The following SUSD6 variants were observed in gnomAD, a reference collection of about 807,000 sequenced individuals.
SUSD6 encodes sushi domain containing 6.
SUSD6 carries 16 observed loss-of-function variants against 28.4 expected under a neutral mutation model. The ratio of observed to expected loss-of-function variants is 0.56; its 90% CI spans 0.38 to 0.86. SUSD6 has a LOEUF of 0.86. Among genes scored for constraint, SUSD6 ranks in the 40% least tolerant of loss-of-function variants. The pLI is 0.00. For synonymous variants in SUSD6, 147 were observed against 159.6 expected (o/e 0.92, Z 0.59); for missense variants, 341 against 384.2 (o/e 0.89, Z 0.94).
chr14:69,659,942 G>A (rs1043329178), intron 2 of SUSD6, among the ~76,000 whole-genome samples: 3 of 152,140 alleles, frequency 2.0e-5, no homozygotes, highest in Non-Finnish European at 4.4e-5. Context: ...GGGTGTGTAC[G>A]GTAGGCCTCT....
intron 2 of SUSD6, among the ~76,000 whole-genome samples, chr14:69,699,614 C>G (rs1363828525): frequency 6.6e-6 from 1 of 151,276 alleles, no homozygotes; most frequent in Non-Finnish European, 1.5e-5. Flanking sequence ...TTATGACATA[C>G]TTCAGCTTTT....
At chr14:69,698,881 T>A in intron 2 of SUSD6, among the ~76,000 whole-genome samples, 1 of 152,126 alleles carries the variant, frequency 6.6e-6, no homozygotes. Context: ...CCTGTAAAAT[T>A]GTCTGGCTTT....
intron 4 of SUSD6, among the ~76,000 whole-genome samples, chr14:69,707,770 T>TA (rs891129799): frequency 3.7e-4 from 56 of 151,642 alleles, no homozygotes; most frequent in African/African-American, 1.1e-3. Flanking sequence ...TTTTTTTAAT[T>TA]AAAAAAAAAT....
intron 2 of SUSD6, among the ~76,000 whole-genome samples, chr14:69,668,715 A>C (rs1190655312): frequency 6.6e-6 from 1 of 151,976 alleles, no homozygotes; most frequent in Non-Finnish European, 1.5e-5. Flanking sequence ...CCAGTGTTGA[A>C]GTTGGGGCTT....
intron 1 of SUSD6, among the ~76,000 whole-genome samples, chr14:69,612,049 G>A (rs1884883923): frequency 6.7e-6 from 1 of 149,966 alleles, no homozygotes; most frequent in Non-Finnish European, 1.5e-5. Flanking sequence ...GGCGCGGCCA[G>A]CCGGCCAGCA....
intron 2 of SUSD6, among the ~76,000 whole-genome samples, chr14:69,665,515 A>C (rs1332879722): frequency 2.6e-5 from 4 of 152,312 alleles, no homozygotes; most frequent in African/African-American, 9.6e-5. Context: ...GGCCTCCCAA[A>C]GTGCTGGGAT....
chr14:69,616,243 G>C (rs999351606), intron 1 of SUSD6, among the ~76,000 whole-genome samples: 1 of 152,188 alleles, frequency 6.6e-6, no homozygotes, highest in Non-Finnish European at 1.5e-5. Flanking sequence ...CACAAATAGA[G>C]ATCTTTCTCA....
chr14:69,611,970 C>G (rs1182844873), intron 1 of SUSD6, 142 bp downstream of exon 1: 1 of 149,860 alleles, frequency 6.7e-6, no homozygotes, highest in Non-Finnish European at 1.5e-5. Flanking sequence ...GGCGGCTCCC[C>G]GCGCTTCTCT....
chr14:69,670,435 G>C (rs1196070361), intron 2 of SUSD6: 2 of 456,676 alleles, frequency 4.4e-6, no homozygotes, highest in African/African-American at 4.0e-5. Context: ...CTCATTAGGG[G>C]GTCTCCTGAC....
In SUSD6 at chr14:69,708,783, G is replaced by A; in HGVS notation, c.565G>A (p.Val189Met). ...EAVYGSSGHC[V>M]PPADPRVQIV... ...TGTATATGGCAGTTCTGGTCACTGT[G>A]TGCCACCTGCTGACCCCAGAGTACA... The change falls in exon 5 of 6, where the codon GTG becomes ATG. Residue 189 changes from valine to methionine, a missense_variant. Val to Met is a conservative substitution (Grantham distance 21). Transcript: ENST00000342745. The A allele has an allele frequency of 6.2e-7, 1 of 1,614,210 alleles. No homozygotes were observed. The highest frequency in any genetic ancestry group is 8.5e-7 in the Non-Finnish European group (1 of 1,180,034).
At chr14:69,695,455 C>G (rs1891463435) in intron 2 of SUSD6, among the ~76,000 whole-genome samples, 1 of 152,208 alleles carries the variant, frequency 6.6e-6, no homozygotes, top group Admixed American at 6.5e-5. Context: ...CAACTTTAGA[C>G]AAATTTGCAA....
At chr14:69,650,531 C>G (rs537358716) in intron 1 of SUSD6, among the ~76,000 whole-genome samples, 1 of 152,164 alleles carries the variant, frequency 6.6e-6, no homozygotes, top group Non-Finnish European at 1.5e-5. Context: ...AGTGCTTGTC[C>G]AAGGTTGGCC....
intron 2 of SUSD6, 47 bp from the exon 3 acceptor site, chr14:69,703,345 CCTA>C (rs1300000342): frequency 6.9e-7 from 1 of 1,442,660 alleles, no homozygotes; most frequent in Non-Finnish European, 9.7e-7. Flanking sequence ...AGAGCAGACT[CCTA>C]CTGGATACCT....
At chr14:69,704,555 TTTG>T in intron 3 of SUSD6, 46 bp from the exon 4 acceptor site, 1 of 1,571,918 alleles carries the variant, frequency 6.4e-7, no homozygotes, top group Non-Finnish European at 8.6e-7. Flanking sequence ...CATCAGCTGT[TTTG>T]TGTATTTGGG....
At chr14:69,674,899 C>A (rs554817178) in intron 2 of SUSD6, among the ~76,000 whole-genome samples, 1 of 152,282 alleles carries the variant, frequency 6.6e-6, no homozygotes, top group East Asian at 1.9e-4. Context: ...CCTGAAGTCT[C>A]TGTTGAAACA....
intron 2 of SUSD6, among the ~76,000 whole-genome samples, chr14:69,673,882 C>T (rs940730642): frequency 6.6e-6 from 1 of 152,182 alleles, no homozygotes; most frequent in Non-Finnish European, 1.5e-5. Context: ...TGTGGACTAG[C>T]TCTCTGGTGC....
intron 2 of SUSD6, among the ~76,000 whole-genome samples, chr14:69,665,203 A>C (rs1229203534): frequency 6.6e-6 from 1 of 152,180 alleles, no homozygotes; most frequent in Admixed American, 6.5e-5. Flanking sequence ...CTAATTTAAC[A>C]CATGAAAATC....
At chr14:69,676,474 G>A (rs1595051890) in intron 2 of SUSD6, among the ~76,000 whole-genome samples, 1 of 151,918 alleles carries the variant, frequency 6.6e-6, no homozygotes, top group East Asian at 1.9e-4. Context: ...CCACCTCCTG[G>A]GCTAAAGCAG....
intron 1 of SUSD6, among the ~76,000 whole-genome samples, chr14:69,641,871 C>T (rs950591973): frequency 1.8e-4 from 28 of 152,072 alleles, no homozygotes; most frequent in Non-Finnish European, 3.7e-4. Flanking sequence ...TCCCAAAGTG[C>T]TGGGGTTACA....
Sources: gnomAD v4.1 joint callset for allele counts (sites outside exome capture counted in the v4.1 genomes callset) on GRCh38, gnomAD v4.1.1 for gene constraint, MANE v1.5 for transcripts, NCBI Gene and HGNC (gene_info 2026-07-23, HGNC 2026-07-21) for gene names.